The following USP28 variants were observed in gnomAD, a reference collection of about 807,000 sequenced individuals.
USP28 encodes ubiquitin carboxyl-terminal hydrolase 28.
In USP28, 113 loss-of-function variants were observed where a neutral mutation model predicts 145.0. The observed-to-expected ratio is 0.78, with a 90% CI of 0.67 to 0.91. USP28 has a LOEUF of 0.91. Ranked by LOEUF, USP28 falls within the 40% of genes least tolerant of loss-of-function variation. The pLI is 0.00. For missense variants in USP28, 1,201 were observed against 1,289.6 expected, an observed-to-expected ratio of 0.93 and a Z score of 1.05; for synonymous variants, 447 against 450.9, an observed-to-expected ratio of 0.99 and a Z score of 0.11.
rs888002248 is a variant in USP28, at chr11:113,840,771, C to T, written c.375-14G>A. On this transcript the variant is annotated splice_polypyrimidine_tract_variant and intron_variant, in intron 4 of 24. Transcript: ENST00000003302. Reference sequence around the variant, plus strand: ...GCTTCATGCATCCTATATTGTGCAGCGTGCCACACAGCAAAAAAGAAAATA... The same window carrying T: ...GCTTCATGCATCCTATATTGTGCAGTGTGCCACACAGCAAAAAAGAAAATA... 4 of 1,597,222 alleles carry T rather than the reference C, an allele frequency of 2.5e-6. No homozygotes were observed. Among genetic ancestry groups the T allele is most frequent in the East Asian group, 2.2e-5 (1 of 44,658 alleles).
chr11:113,816,967 G>T (rs997438091), intron 13 of USP28, among the ~76,000 whole-genome samples: 1 of 152,110 alleles, frequency 6.6e-6, no homozygotes, highest in Admixed American at 6.6e-5. Flanking sequence ...ATATTAATAC[G>T]TGGGGCGGTG....
chr11:113,854,342 T>C lies in USP28; in HGVS notation c.58-7A>G, dbSNP rs1272909065. 2 of 1,611,118 alleles carry C rather than the reference T, an allele frequency of 1.2e-6. No homozygotes were observed. The highest frequency in any genetic ancestry group is 1.6e-4 in the Middle Eastern group (1 of 6,074). ...TTAACAGCATTTGGCAGCTCTATAT[T>C]TGCAAAACAAAAAAACCACAAACAT... On this transcript the variant is annotated splice_region_variant and splice_polypyrimidine_tract_variant and intron_variant, in intron 1 of 24. Transcript: ENST00000003302.
At chr11:113,799,203 A>T in exon 25 of USP28, 1 of 1,589,456 alleles carries the variant, frequency 6.3e-7, no homozygotes, top group Non-Finnish European at 8.6e-7. Flanking sequence ...AGAGGCAGGC[A>T]GCCAGGAACC....
intron 19 of USP28, 36 bp from the exon 21 acceptor site, chr11:113,805,082 T>C: frequency 6.2e-7 from 1 of 1,600,078 alleles, no homozygotes; most frequent in Non-Finnish European, 8.5e-7. Context: ...GAAAATAGTG[T>C]GCTGTGGGCT....
intron 1 of USP28, among the ~76,000 whole-genome samples, chr11:113,864,586 T>C (rs1346630954): frequency 6.6e-6 from 1 of 152,104 alleles, no homozygotes; most frequent in African/African-American, 2.4e-5. Context: ...TAAGTTCCAG[T>C]GCCAGGACCA....
intron 11 of USP28, among the ~76,000 whole-genome samples, chr11:113,826,381 C>G (rs1943329547): frequency 9.0e-6 from 1 of 111,630 alleles, no homozygotes; most frequent in South Asian, 3.4e-4. Context: ...CAGGGTCTCA[C>G]TCTGTTACCC....
At chr11:113,802,088 A>G (rs542959702) in intron 23 of USP28, among the ~76,000 whole-genome samples, 6 of 152,274 alleles carry the variant, frequency 3.9e-5, no homozygotes, top group South Asian at 2.1e-4. Context: ...GAGAGGCCTG[A>G]GCTTCACGAC....
chr11:113,831,600 C>T (rs1322455441), intron 8 of USP28, among the ~76,000 whole-genome samples: 1 of 152,078 alleles, frequency 6.6e-6, no homozygotes, highest in East Asian at 1.9e-4. Flanking sequence ...CCATATTATA[C>T]CATCATGTTC....
intron 12 of USP28, chr11:113,821,812 C>A: frequency 5.8e-6 from 1 of 171,662 alleles, no homozygotes; most frequent in Non-Finnish European, 1.3e-5. Context: ...AAATTTTGTG[C>A]TTGGCAGTTC....
At chr11:113,812,232 T>A (rs777377211) in intron 16 of USP28, 44 bp downstream of exon 16, 23 of 1,487,368 alleles carry the variant, frequency 1.5e-5, no homozygotes, top group Non-Finnish European at 2.1e-5. Flanking sequence ...CCCTGAGCAG[T>A]ACAGATTTTC....
At chr11:113,864,363 G>C (rs886295703) in intron 1 of USP28, among the ~76,000 whole-genome samples, 3 of 152,218 alleles carry the variant, frequency 2.0e-5, no homozygotes, top group Non-Finnish European at 2.9e-5. Flanking sequence ...AGCAAAAGGA[G>C]ATAAATATAA....
At chr11:113,854,459 T>C in intron 1 of USP28, 124 bp from the exon 2 acceptor site, 1 of 827,936 alleles carries the variant, frequency 1.2e-6, no homozygotes, top group East Asian at 2.8e-5. Context: ...TGGAGTGCAG[T>C]GGCCGGATCT....
chr11:113,850,115 A>G lies in USP28; in HGVS notation c.268+2386T>C, dbSNP rs142001389. On this transcript the variant is annotated intron_variant, in intron 3 of 24. Coordinates refer to ENST00000003302, the Ensembl canonical transcript of USP28. ...GGGTGACAATTTCCCAATCTAAGATAACAAATTTGAGAGCAATGGTTACTC... is the reference window on the plus strand; with the variant it reads ...GGGTGACAATTTCCCAATCTAAGATGACAAATTTGAGAGCAATGGTTACTC... Among the ~76,000 whole-genome samples, 70 of 152,306 alleles carry G rather than the reference A, an allele frequency of 4.6e-4. 1 individual carries two copies. Among genetic ancestry groups the G allele is most frequent in the African/African-American group, 1.4e-3 (59 of 41,576 alleles).
chr11:113,799,348 G>A (rs750777296), exon 25 of USP28: 1 of 1,614,230 alleles, frequency 6.2e-7, no homozygotes, highest in South Asian at 1.1e-5. Flanking sequence ...GCTCTTTCAA[G>A]ACGATGATTT....
chr11:113,801,178 T>A (rs1231310064), intron 24 of USP28, among the ~76,000 whole-genome samples: 1 of 152,168 alleles, frequency 6.6e-6, no homozygotes, highest in African/African-American at 2.4e-5. Flanking sequence ...AGAGTTCATC[T>A]TTTGGCACAT....
rs1379548679 is a variant in USP28, at chr11:113,803,932, C to T, written c.2659-55G>A. 10 of 1,483,124 alleles carry T rather than the reference C, an allele frequency of 6.7e-6. No homozygotes were observed. In the African/African-American group the frequency reaches 9.9e-5, roughly 15 times the overall value. The allele number at this position is 1,483,124 out of a possible 1,614,324, so 91.9% of individuals were successfully genotyped here. On this transcript the variant is annotated intron_variant, in intron 21 of 24. Coordinates refer to ENST00000003302, the Ensembl canonical transcript of USP28. Reference sequence around the variant, plus strand: ...ATGATCATAATAGATTGTTAGTGTCCTTCCCATCTAAGTTTTAAATTCATT... The same window carrying T: ...ATGATCATAATAGATTGTTAGTGTCTTTCCCATCTAAGTTTTAAATTCATT...
chr11:113,838,658 C>A (rs2136119794), intron 5 of USP28, among the ~76,000 whole-genome samples: 1 of 152,356 alleles, frequency 6.6e-6, no homozygotes, highest in Non-Finnish European at 1.5e-5. Flanking sequence ...ATCAGAAAGG[C>A]CATCCCTGAC....
intron 13 of USP28, among the ~76,000 whole-genome samples, chr11:113,817,023 AG>A (rs1424168366): frequency 6.6e-6 from 1 of 152,120 alleles, no homozygotes; most frequent in Non-Finnish European, 1.5e-5. Flanking sequence ...TTGACAAAAA[AG>A]TCTAACTTTT....
At chr11:113,837,558 T>C (rs988681433) in intron 5 of USP28, among the ~76,000 whole-genome samples, 1 of 152,230 alleles carries the variant, frequency 6.6e-6, no homozygotes, top group African/African-American at 2.4e-5. Context: ...GTTCTTTGAC[T>C]TCAGCAGGGG....
Sources: gnomAD v4.1 joint callset for allele counts (sites outside exome capture counted in the v4.1 genomes callset) on GRCh38, gnomAD v4.1.1 for gene constraint, MANE v1.5 for transcripts, NCBI Gene and HGNC (gene_info 2026-07-23, HGNC 2026-07-21) for gene names.